EPM2A: variants seen among roughly 807,000 people sequenced by gnomAD.
EPM2A encodes laforin.
A neutral mutation model predicts 26.5 loss-of-function variants in EPM2A; 21 were observed. The ratio of observed to expected loss-of-function variants is 0.79; its 90% CI spans 0.56 to 1.14. The LOEUF (loss-of-function observed/expected upper bound fraction) is 1.14, where lower values mean the gene tolerates loss of function less well. Ranked by LOEUF, EPM2A falls within the 50% of genes most tolerant of loss-of-function variation. EPM2A has a pLI of 0.00. For synonymous variants in EPM2A, 217 were observed against 177.6 expected (o/e 1.22, Z -1.76); for missense variants, 458 against 440.8 (o/e 1.04, Z -0.35).
intron 2 of EPM2A, among the ~76,000 whole-genome samples, chr6:145,669,274 T>C (rs1277756607): frequency 1.3e-5 from 2 of 152,210 alleles, no homozygotes; most frequent in African/African-American, 2.4e-5. Flanking sequence ...GCCTTTATGA[T>C]ATAGAAATAG....
At chr6:145,681,291 A>G (rs1230868230) in intron 2 of EPM2A, among the ~76,000 whole-genome samples, 2 of 150,088 alleles carry the variant, frequency 1.3e-5, no homozygotes, top group Non-Finnish European at 3.0e-5. Flanking sequence ...TCTGGATATT[A>G]GCCCTTTGTC....
chr6:145,410,580 T>A (rs767977875), intron 4 of EPM2A, among the ~76,000 whole-genome samples: 2 of 152,226 alleles, frequency 1.3e-5, no homozygotes, highest in Admixed American at 1.3e-4. Flanking sequence ...TAGGTATGTA[T>A]GTTGGAGACA....
At chr6:145,694,404 CT>C (rs1020207699) in intron 1 of EPM2A, among the ~76,000 whole-genome samples, 2 of 151,968 alleles carry the variant, frequency 1.3e-5, no homozygotes, top group African/African-American at 4.8e-5. Flanking sequence ...CACAAAAAAT[CT>C]TTTTGTTCAA....
At chr6:145,388,383 G>A (rs1582714904) in intron 4 of EPM2A, among the ~76,000 whole-genome samples, 1 of 152,250 alleles carries the variant, frequency 6.6e-6, no homozygotes. Flanking sequence ...GCCACTGCTA[G>A]CTGTTTCTTG....
chr6:145,584,271 G>T (rs1471001590), intron 2 of EPM2A, among the ~76,000 whole-genome samples: 1 of 152,126 alleles, frequency 6.6e-6, no homozygotes, highest in Non-Finnish European at 1.5e-5. Context: ...GGTGTGGTCT[G>T]CCAGCAAAGG....
chr6:145,577,460 A>G (rs1387975764), intron 2 of EPM2A, among the ~76,000 whole-genome samples: 1 of 152,074 alleles, frequency 6.6e-6, no homozygotes, highest in Non-Finnish European at 1.5e-5. Context: ...AAGTAATTAT[A>G]CAATGATAAA....
At chr6:145,574,231 T>C (rs1780998529) in intron 2 of EPM2A, among the ~76,000 whole-genome samples, 2 of 152,126 alleles carry the variant, frequency 1.3e-5, no homozygotes, top group Admixed American at 1.3e-4. Context: ...TTTCTGCTTG[T>C]ATAAATTAAG....
chr6:145,441,955 T>C (rs544067746), intron 4 of EPM2A, among the ~76,000 whole-genome samples: 1 of 152,308 alleles, frequency 6.6e-6, no homozygotes, highest in Non-Finnish European at 1.5e-5. Flanking sequence ...TATAAATTTC[T>C]TCTGTCAGAT....
rs779524114 is a variant in EPM2A at position 145,626,122 on chromosome 6, T to TA, written c.*1293dup. On this transcript the variant is annotated 3_prime_UTR_variant, in exon 4 of 4. Transcript: ENST00000367519. ...CACCTTGCACATAGAGGCTCTCAATTAAAAAAACACTTCTCTTTCTTCTAT... is the reference window on the plus strand; with the variant it reads ...CACCTTGCACATAGAGGCTCTCAATTAAAAAAAACACTTCTCTTTCTTCTAT... 8.8e-6 allele frequency: 9 copies of TA among 1,028,408 alleles called. No individual in the cohort carries two copies. The highest frequency in any genetic ancestry group is 1.1e-5 in the Non-Finnish European group (9 of 856,724). 63.7% of individuals were successfully genotyped at this position (1,028,408 alleles called of 1,614,324 possible).
intron 2 of EPM2A, among the ~76,000 whole-genome samples, chr6:145,543,412 G>T (rs1217431884): frequency 6.6e-6 from 1 of 152,018 alleles, no homozygotes; most frequent in Non-Finnish European, 1.5e-5. Flanking sequence ...GTCAAAAAAG[G>T]TCTTGATGGA....
chr6:145,559,719 C>G (rs1395079568), intron 2 of EPM2A, among the ~76,000 whole-genome samples: 2 of 146,998 alleles, frequency 1.4e-5, no homozygotes, highest in Non-Finnish European at 3.0e-5. Context: ...CACGTAAACA[C>G]CAAATCACTA....
intron 2 of EPM2A, among the ~76,000 whole-genome samples, chr6:145,653,030 A>T (rs1582973369): frequency 6.6e-6 from 1 of 152,214 alleles, no homozygotes; most frequent in East Asian, 1.9e-4. Flanking sequence ...AGGAAAGAAG[A>T]TTAAACATGG....
At chr6:145,550,671 C>G (rs1780643100) in intron 2 of EPM2A, among the ~76,000 whole-genome samples, 1 of 152,014 alleles carries the variant, frequency 6.6e-6, no homozygotes, top group East Asian at 1.9e-4. Context: ...CCAAGACCAA[C>G]TCCTCCTCTT....
chr6:145,606,465 T>G (rs926645939), intron 2 of EPM2A, among the ~76,000 whole-genome samples: 1 of 152,008 alleles, frequency 6.6e-6, no homozygotes, highest in Non-Finnish European at 1.5e-5. Context: ...ATTTTTACAT[T>G]TAAATATTAA....
At chr6:145,634,942 C>A in intron 3 of EPM2A, 2 of 307,168 alleles carry the variant, frequency 6.5e-6, no homozygotes, top group South Asian at 4.2e-5. Context: ...TAGGACAATG[C>A]GCTCCGTGGG....
intron 4 of EPM2A, chr6:145,489,712 C>T (rs772040182): frequency 2.1e-4 from 302 of 1,435,444 alleles, no homozygotes; most frequent in Non-Finnish European, 2.8e-4. Context: ...GCTCTCTAAT[C>T]CTCAGCATCT....
intron 2 of EPM2A, among the ~76,000 whole-genome samples, chr6:145,505,246 T>TAA (rs35126192): frequency 1.2e-4 from 18 of 149,784 alleles, no homozygotes; most frequent in African/African-American, 1.7e-4. Flanking sequence ...AAAGTATAAT[T>TAA]AAAAAAAAAA....
At chr6:145,555,382 A>G (rs1780715457) in intron 2 of EPM2A, among the ~76,000 whole-genome samples, 1 of 152,050 alleles carries the variant, frequency 6.6e-6, no homozygotes, top group South Asian at 2.1e-4. Flanking sequence ...TTTATACATG[A>G]ACTAGGTAAT....
chr6:145,471,167 C>T (rs920657486), intron 4 of EPM2A, among the ~76,000 whole-genome samples: 9 of 152,018 alleles, frequency 5.9e-5, no homozygotes, highest in South Asian at 2.1e-4. Context: ...ACTGTCAAGG[C>T]CTATTGTTTT....
Sources: gnomAD v4.1 joint callset for allele counts (sites outside exome capture counted in the v4.1 genomes callset) on GRCh38, gnomAD v4.1.1 for gene constraint, MANE v1.5 for transcripts, NCBI Gene and HGNC (gene_info 2026-07-23, HGNC 2026-07-21) for gene names.